The following EPHA7 variants were observed in gnomAD, a reference collection of about 807,000 sequenced individuals.
EPHA7 encodes ephrin type-A receptor 7.
EPHA7 carries 25 observed loss-of-function variants against 112.6 expected under a neutral mutation model. The ratio of observed to expected loss-of-function variants is 0.22; its 90% CI spans 0.16 to 0.31. The LOEUF (loss-of-function observed/expected upper bound fraction) is 0.31. EPHA7 is among the 10% of genes least tolerant of loss of function. The pLI, the probability that EPHA7 is intolerant of heterozygous loss-of-function variation, is 1.00. For synonymous variants in EPHA7, 437 were observed against 406.5 expected (o/e 1.07, Z -0.90); for missense variants, 962 against 1,212.6 (o/e 0.79, Z 3.07).
At chr6:93,282,941 C>G (rs1168624341) in intron 5 of EPHA7, among the ~76,000 whole-genome samples, 2 of 152,194 alleles carry the variant, frequency 1.3e-5, no homozygotes, top group African/African-American at 4.8e-5. Flanking sequence ...GCGCTGCCCC[C>G]TTCTCCACCG....
chr6:93,410,403 G>C lies in EPHA7; in HGVS notation c.832+98C>G. 8.9e-7 allele frequency: 1 copy of C among 1,129,916 alleles called. No homozygotes were observed. The highest frequency in any genetic ancestry group is 1.3e-6 in the Non-Finnish European group (1 of 788,612). 70.0% of individuals were successfully genotyped at this position (1,129,916 alleles called of 1,614,324 possible). ...TCTACTGAATTGCGCTTCTGGTACA[G>C]AGCAGATTCACGTATTCAAATAACT... On this transcript the variant is annotated intron_variant, in intron 3 of 16. Transcript: ENST00000369303. This position sits in a 1 kb window ranked among gnomAD's most constrained non-coding sequence, Gnocchi z 4.0.
intron 5 of EPHA7, among the ~76,000 whole-genome samples, chr6:93,284,280 T>TG (rs1771941875): frequency 6.6e-6 from 1 of 152,184 alleles, no homozygotes; most frequent in Admixed American, 6.5e-5. Context: ...ACAATGTTAG[T>TG]TTTTGCAGAA....
intron 5 of EPHA7, among the ~76,000 whole-genome samples, chr6:93,297,988 T>G (rs1772760545): frequency 6.6e-6 from 1 of 152,176 alleles, no homozygotes; most frequent in African/African-American, 2.4e-5. Flanking sequence ...AACTTTAGCT[T>G]TAAATAAGTA....
chr6:93,405,803 GTGTGTGTGTGTATATATATATATA>G (rs1421953027), intron 3 of EPHA7, among the ~76,000 whole-genome samples: 21 of 62,446 alleles, frequency 3.4e-4, no homozygotes, highest in African/African-American at 1.5e-3. Context: ...GTGTGTGTGT[GTGTGTGTGTGTATATATATATATA>G]TATATATATA....
At position 93,410,390 on chromosome 6, in the gene EPHA7, C is replaced by T. The variant is rs150262342; in HGVS notation, c.832+111G>A. 3,624 of 977,594 alleles carry T rather than the reference C, an allele frequency of 3.7e-3. 24 individuals are homozygous for T. The highest frequency in any genetic ancestry group is 5.2e-3 in the Middle Eastern group (16 of 3,096). 60.6% of individuals were successfully genotyped at this position (977,594 alleles called of 1,614,324 possible). On this transcript the variant is annotated intron_variant, in intron 3 of 16. Transcript: ENST00000369303. The surrounding 1 kb of genome is among the most constrained non-coding windows in gnomAD (Gnocchi z 4.0). ...ACTTTGTTTAAGATCTACTGAATTG[C>T]GCTTCTGGTACAGAGCAGATTCACG...
chr6:93,352,824 C>G (rs188097200), intron 5 of EPHA7, among the ~76,000 whole-genome samples: 29 of 152,162 alleles, frequency 1.9e-4, no homozygotes, highest in Admixed American at 1.4e-3. Context: ...CCTTAGCAAA[C>G]TAACACAGGA....
At chr6:93,346,981 G>T (rs1775434853) in intron 5 of EPHA7, among the ~76,000 whole-genome samples, 1 of 151,694 alleles carries the variant, frequency 6.6e-6, no homozygotes, top group Admixed American at 6.6e-5. Flanking sequence ...TTCTATTAAG[G>T]GCAATGCATG....
At chr6:93,401,752 A>G (rs1231095621) in intron 3 of EPHA7, among the ~76,000 whole-genome samples, 1 of 152,028 alleles carries the variant, frequency 6.6e-6, no homozygotes, top group Non-Finnish European at 1.5e-5. Context: ...TGTGAGAAAA[A>G]TTGAAACAAA....
At chr6:93,307,789 A>G (rs1258834986) in intron 5 of EPHA7, among the ~76,000 whole-genome samples, 5 of 152,162 alleles carry the variant, frequency 3.3e-5, no homozygotes, top group African/African-American at 1.2e-4. Context: ...TGTCCTCTTC[A>G]TTTTGAGGAT....
At chr6:93,385,884 G>A (rs573907572) in intron 3 of EPHA7, among the ~76,000 whole-genome samples, 12 of 152,254 alleles carry the variant, frequency 7.9e-5, no homozygotes, top group African/African-American at 2.6e-4. Context: ...GGAAGGGGAC[G>A]CAAACACGTC....
intron 14 of EPHA7, among the ~76,000 whole-genome samples, chr6:93,252,518 A>G (rs1262339898): frequency 6.6e-6 from 1 of 151,964 alleles, no homozygotes; most frequent in Non-Finnish European, 1.5e-5. Context: ...AAGTCTCTCC[A>G]TGAACTCCTA....
At chr6:93,361,094 C>T (rs561818538) in intron 3 of EPHA7, among the ~76,000 whole-genome samples, 13 of 152,120 alleles carry the variant, frequency 8.5e-5, no homozygotes, top group African/African-American at 3.1e-4. Context: ...GTCAATTTCA[C>T]TATGAATTTT....
chr6:93,343,891 A>G (rs168435), intron 5 of EPHA7, among the ~76,000 whole-genome samples: 114,550 of 151,456 alleles, frequency 0.76, 43,283 homozygotes, highest in African/African-American at 0.78. Flanking sequence ...AATATCTGAC[A>G]TTTGTTGAAA....
chr6:93,313,173 C>A (rs931727358), intron 5 of EPHA7, among the ~76,000 whole-genome samples: 1 of 152,004 alleles, frequency 6.6e-6, no homozygotes, highest in East Asian at 1.9e-4. Flanking sequence ...GCCTTCAATT[C>A]GTAAAAAATG....
chr6:93,411,140 A>G lies in EPHA7; in HGVS notation c.193T>C (p.Tyr65His), dbSNP rs750661621. Residue 65 changes from tyrosine (Y) to histidine (H), a missense_variant, in exon 3 of 17, where the codon TAT (tyrosine) becomes CAT (histidine). By Grantham distance (83) the Tyr-to-His change is moderately conservative (BLOSUM62 2). Transcript: ENST00000369303. ...ACCTGGTATGTTCGTATCGGGGTAT[A>G]GTTCTCATCCAAACCACTAATTTCT... ...WEEISGLDEN[Y>H]TPIRTYQVCQ... 1 of 1,613,382 alleles carries G rather than the reference A, an allele frequency of 6.2e-7. No homozygotes were observed. The highest frequency in any genetic ancestry group is 8.5e-7 in the Non-Finnish European group (1 of 1,179,702).
At chr6:93,254,099 G>T (rs147835441) in intron 14 of EPHA7, among the ~76,000 whole-genome samples, 103 of 151,906 alleles carry the variant, frequency 6.8e-4, no homozygotes, top group African/African-American at 2.4e-3. Flanking sequence ...ACTTTTAAAA[G>T]GAATTTCCAA....
intron 5 of EPHA7, among the ~76,000 whole-genome samples, chr6:93,320,146 C>T (rs1470183984): frequency 6.6e-6 from 1 of 151,942 alleles, no homozygotes; most frequent in East Asian, 1.9e-4. Flanking sequence ...AATCACTGAT[C>T]CATTTCATTG....
intron 3 of EPHA7, among the ~76,000 whole-genome samples, chr6:93,369,194 A>G (rs963297174): frequency 2.0e-5 from 3 of 151,678 alleles, no homozygotes; most frequent in Admixed American, 6.6e-5. Flanking sequence ...ACACACACAC[A>G]CACACACACA....
intron 3 of EPHA7, among the ~76,000 whole-genome samples, chr6:93,369,951 C>T (rs1776704117): frequency 6.6e-6 from 1 of 152,076 alleles, no homozygotes; most frequent in Non-Finnish European, 1.5e-5. Flanking sequence ...GGAGTGCAGC[C>T]TTGGCTACAG....
Sources: gnomAD v4.1 joint callset for allele counts (sites outside exome capture counted in the v4.1 genomes callset) on GRCh38, gnomAD v4.1.1 for gene constraint, Gnocchi (gnomAD v3.1) non-coding constraint, MANE v1.5 for transcripts, NCBI Gene and HGNC (gene_info 2026-07-23, HGNC 2026-07-21) for gene names.